GRID2: variants seen among roughly 807,000 people sequenced by gnomAD.
The protein encoded by GRID2 is glutamate ionotropic receptor delta type subunit 2.
A neutral mutation model predicts 114.8 loss-of-function variants in GRID2; 33 were observed. That is an observed-to-expected ratio of 0.29 (90% CI 0.22 to 0.38). The LOEUF (loss-of-function observed/expected upper bound fraction) is 0.38. GRID2 is among the 10% of genes least tolerant of loss of function. The pLI is 1.00. For missense variants in GRID2, 1,184 were observed against 1,257.7 expected, an observed-to-expected ratio of 0.94 and a Z score of 0.89; for synonymous variants, 505 against 449.9, an observed-to-expected ratio of 1.12 and a Z score of -1.55.
intron 2 of GRID2, among the ~76,000 whole-genome samples, chr4:92,746,011 C>T (rs1737133900): frequency 6.6e-6 from 1 of 152,028 alleles, no homozygotes; most frequent in South Asian, 2.1e-4. Context: ...TCAGTTTTTC[C>T]TTACATAAAC....
At chr4:92,938,604 T>C (rs889366892) in intron 2 of GRID2, among the ~76,000 whole-genome samples, 1 of 146,506 alleles carries the variant, frequency 6.8e-6, no homozygotes, top group African/African-American at 2.4e-5. Flanking sequence ...AGGGTACATG[T>C]GCACAATGTG....
chr4:92,887,586 A>G lies in GRID2; in HGVS notation c.245-197409A>G, dbSNP rs1202814211. The stretch of plus-strand genomic sequence containing the variant: ...GATTCTGATCTCTGCCTCTAATTGC[A>G]TGATGGTTTTCATATCATGGTGTCA... On this transcript the variant is annotated intron_variant, in intron 2 of 15. Coordinates refer to ENST00000282020, the MANE Select transcript of GRID2 (RefSeq NM_001510.4). Among the ~76,000 whole-genome samples the G allele has an allele frequency of 2.6e-5, 4 of 152,270 alleles. No individual in the cohort carries two copies. The East Asian group carries it at 5.8e-4, about 22-fold the overall frequency.
chr4:93,782,449 G>A (rs186988781), intron 1 of GRID2, among the ~76,000 whole-genome samples: 15 of 152,162 alleles, frequency 9.9e-5, no homozygotes, highest in Admixed American at 7.2e-4. Context: ...TTTTAGTTCC[G>A]AGTCTGCTTC....
chr4:93,719,485 A>C (rs1729177717), intron 14 of GRID2, among the ~76,000 whole-genome samples: 1 of 151,958 alleles, frequency 6.6e-6, no homozygotes, highest in African/African-American at 2.4e-5. Flanking sequence ...TCTTGCCCAC[A>C]TCATAGCTTT....
intron 14 of GRID2, among the ~76,000 whole-genome samples, chr4:93,657,326 G>A (rs1723108521): frequency 6.6e-6 from 1 of 151,766 alleles, no homozygotes; most frequent in Admixed American, 6.6e-5. Flanking sequence ...TAATACTTAG[G>A]ATACTGTACA....
chr4:93,757,181 A>G (rs1261945959), intron 14 of GRID2, among the ~76,000 whole-genome samples: 2 of 152,190 alleles, frequency 1.3e-5, no homozygotes, highest in African/African-American at 4.8e-5. Context: ...AATAGTGCAT[A>G]GTTTAGTATC....
chr4:93,328,571 A>T (rs1471342842), intron 8 of GRID2, among the ~76,000 whole-genome samples: 1 of 152,148 alleles, frequency 6.6e-6, no homozygotes, highest in African/African-American at 2.4e-5. Flanking sequence ...AAGCTATTAC[A>T]TATTTGTTTT....
intron 1 of GRID2, among the ~76,000 whole-genome samples, chr4:92,391,700 A>G (rs1373514685): frequency 6.6e-6 from 1 of 152,204 alleles, no homozygotes; most frequent in East Asian, 1.9e-4. Flanking sequence ...CTCAAGGAAT[A>G]TAATGTCACT....
intron 13 of GRID2, among the ~76,000 whole-genome samples, chr4:93,556,875 C>T (rs1013390712): frequency 1.8e-4 from 27 of 152,324 alleles, no homozygotes; most frequent in African/African-American, 5.8e-4. Flanking sequence ...GGAAGCCCAT[C>T]AGACTAACAG....
intron 1 of GRID2, among the ~76,000 whole-genome samples, chr4:92,439,793 C>G (rs562936974): frequency 1.4e-5 from 2 of 146,068 alleles, no homozygotes; most frequent in South Asian, 4.7e-4. Flanking sequence ...GTCCTGCCAG[C>G]AAAGATTATT....
intron 13 of GRID2, among the ~76,000 whole-genome samples, chr4:93,568,674 T>C (rs1009580180): frequency 2.0e-5 from 3 of 152,216 alleles, no homozygotes; most frequent in African/African-American, 7.2e-5. Context: ...CAAGACAGTT[T>C]GCATCATTTC....
chr4:92,422,763 C>T (rs1178575783), intron 1 of GRID2, among the ~76,000 whole-genome samples: 1 of 152,132 alleles, frequency 6.6e-6, no homozygotes, highest in Admixed American at 6.6e-5. Flanking sequence ...ACTCCTAAAC[C>T]ATAATTTCTA....
intron 13 of GRID2, among the ~76,000 whole-genome samples, chr4:93,584,811 G>A (rs1737367002): frequency 6.6e-6 from 1 of 151,932 alleles, no homozygotes; most frequent in Non-Finnish European, 1.5e-5. Context: ...ATTTTTTTAA[G>A]ATTAGGAAAC....
At chr4:92,683,122 A>ACC (rs1241159129) in intron 2 of GRID2, among the ~76,000 whole-genome samples, 1 of 152,040 alleles carries the variant, frequency 6.6e-6, no homozygotes, top group Non-Finnish European at 1.5e-5. Context: ...ACACGGTGAA[A>ACC]CCTTGCCTCT....
chr4:92,887,431 T>G (rs1345754754), intron 2 of GRID2, among the ~76,000 whole-genome samples: 1 of 152,160 alleles, frequency 6.6e-6, no homozygotes, highest in South Asian at 2.1e-4. Context: ...GTCAGAGAAG[T>G]TCCTTTTAAG....
chr4:93,657,897 A>T (rs984123033), intron 14 of GRID2, among the ~76,000 whole-genome samples: 14 of 152,222 alleles, frequency 9.2e-5, no homozygotes, highest in African/African-American at 3.1e-4. Flanking sequence ...AGGGCAATCA[A>T]GATGTTCATT....
At chr4:93,522,434 T>C (rs1447674190) in intron 13 of GRID2, among the ~76,000 whole-genome samples, 4 of 152,172 alleles carry the variant, frequency 2.6e-5, no homozygotes, top group Non-Finnish European at 5.9e-5. Context: ...ATTGTGAGTA[T>C]TTGTCTAGCC....
intron 8 of GRID2, among the ~76,000 whole-genome samples, chr4:93,334,986 T>G (rs1758894691): frequency 6.6e-6 from 1 of 152,028 alleles, no homozygotes; most frequent in South Asian, 2.1e-4. Context: ...TCATAAACAA[T>G]CAATCATGTT....
At chr4:92,718,114 A>G (rs931369484) in intron 2 of GRID2, among the ~76,000 whole-genome samples, 2 of 152,120 alleles carry the variant, frequency 1.3e-5, no homozygotes, top group African/African-American at 4.8e-5. Flanking sequence ...TTTTAATCAC[A>G]TGTGTAATCA....
Sources: gnomAD v4.1 joint callset for allele counts (sites outside exome capture counted in the v4.1 genomes callset) on GRCh38, gnomAD v4.1.1 for gene constraint, MANE v1.5 for transcripts, NCBI Gene and HGNC (gene_info 2026-07-23, HGNC 2026-07-21) for gene names.